PCDHGB3: variants seen among roughly 807,000 people sequenced by gnomAD.
The protein encoded by PCDHGB3 is protocadherin gamma-B3.
PCDHGB3 carries 40 observed loss-of-function variants against 59.2 expected under a neutral mutation model. The ratio of observed to expected loss-of-function variants is 0.68; its 90% confidence interval spans 0.52 to 0.88. The LOEUF is 0.88. Ranked by LOEUF, PCDHGB3 falls within the 40% of genes least tolerant of loss-of-function variation. PCDHGB3 has a pLI of 0.00. For synonymous variants in PCDHGB3, 581 were observed against 503.6 expected (o/e 1.15, Z -2.06); for missense variants, 1,309 against 1,187.9 (o/e 1.10, Z -1.50).
intron 2 of PCDHGB3, among the ~76,000 whole-genome samples, chr5:141,500,906 G>C (rs1333707004): frequency 6.7e-6 from 1 of 149,672 alleles, no homozygotes; most frequent in African/African-American, 2.5e-5. Flanking sequence ...GTCTCGCTCT[G>C]TCTCCAGGCT....
chr5:141,401,546 ATGCTATT>A (rs1372970930), intron 1 of PCDHGB3, among the ~76,000 whole-genome samples: 1 of 152,214 alleles, frequency 6.6e-6, no homozygotes, highest in African/African-American at 2.4e-5. Context: ...AAAAAAGGAA[ATGCTATT>A]GCCTGAATTT....
At chr5:141,478,821 A>G (rs72790063) in intron 1 of PCDHGB3, 38,524 of 1,444,166 alleles carry the variant, frequency 0.027, 650 homozygotes, top group East Asian at 0.045. Flanking sequence ...CAACTAACCA[A>G]TCTTGCTAAG....
chr5:141,373,352 G>A (rs1311109117), intron 1 of PCDHGB3, among the ~76,000 whole-genome samples: 5 of 152,178 alleles, frequency 3.3e-5, no homozygotes, highest in Non-Finnish European at 7.3e-5. Context: ...CTCTTGTAAT[G>A]GGCACTGTAA....
intron 1 of PCDHGB3, chr5:141,399,420 C>T (rs1257006819): frequency 1.9e-6 from 3 of 1,614,034 alleles, no homozygotes; most frequent in Non-Finnish European, 2.5e-6. Flanking sequence ...TCTCCTCCAG[C>T]ATAAGCGTCA....
rs766474451 is a variant in PCDHGB3 at position 141,477,676 on chromosome 5, AT to A, written c.2416-17130del. On this transcript the variant is annotated intron_variant, in intron 1 of 3. Coordinates refer to ENST00000576222, the MANE Select transcript of PCDHGB3 (RefSeq NM_018924.5). This position sits in a 1 kb window ranked among gnomAD's most constrained non-coding sequence, Gnocchi z 4.9. ...TAAATCGTGACAATGGCATAGTGTCATCCTTAGTGCCCCTAGACTATGAGGA... is the reference window on the plus strand; with the variant it reads ...TAAATCGTGACAATGGCATAGTGTCACCTTAGTGCCCCTAGACTATGAGGA... 6.2e-7 allele frequency: 1 copy of A among 1,614,194 alleles called. No homozygotes were observed. The highest frequency in any genetic ancestry group is 2.2e-5 in the East Asian group (1 of 44,886).
chr5:141,409,303 C>G, intron 1 of PCDHGB3: 3 of 1,613,922 alleles, frequency 1.9e-6, no homozygotes, highest in South Asian at 2.2e-5. Flanking sequence ...TGGTTGTTGC[C>G]CTCTTCAAAA....
At chr5:141,483,224 G>A (rs530779494) in intron 1 of PCDHGB3, among the ~76,000 whole-genome samples, 17 of 152,242 alleles carry the variant, frequency 1.1e-4, no homozygotes, top group Middle Eastern at 3.4e-3. Flanking sequence ...AGTCACTGCA[G>A]AAATTTGAAC....
rs2099661624 is a variant in PCDHGB3, at chr5:141,487,712, G to A, written c.2416-7095G>A. The stretch of plus-strand genomic sequence containing the variant: ...AGAGAGTACTGGCCTCTCAGTAAGT[G>A]CCCATAGTGATGTCACCATTTTTGT... On this transcript the variant is annotated intron_variant, in intron 1 of 3. Coordinates refer to ENST00000576222, the MANE Select transcript of PCDHGB3 (RefSeq NM_018924.5). The surrounding 1 kb of genome is among the most constrained non-coding windows in gnomAD (Gnocchi z 5.0). The A allele has an allele frequency of 5.0e-6, 8 of 1,585,892 alleles. No individual in the cohort carries two copies. The highest frequency in any genetic ancestry group is 1.1e-5 in the South Asian group (1 of 87,950).
At chr5:141,453,807 A>G (rs752553367) in intron 1 of PCDHGB3, among the ~76,000 whole-genome samples, 3 of 152,250 alleles carry the variant, frequency 2.0e-5, no homozygotes, top group Non-Finnish European at 4.4e-5. Flanking sequence ...GAGTAGTTCC[A>G]TAAAGGACAA....
intron 1 of PCDHGB3, chr5:141,420,475 A>G (rs1590231324): frequency 3.0e-6 from 2 of 665,126 alleles, no homozygotes; most frequent in Admixed American, 7.8e-5. Context: ...ATTTTAAAGC[A>G]AACTACATGG....
Position 141,511,103 on chromosome 5 carries a change from A to G in PCDHGB3, c.2720A>G (p.Lys907Arg), listed in dbSNP as rs779731716. The G allele has an allele frequency of 6.2e-7, 1 of 1,614,214 alleles. No individual in the cohort carries two copies. The highest frequency in any genetic ancestry group is 8.5e-7 in the Non-Finnish European group (1 of 1,180,026). The change falls in exon 4 of 4, where the codon AAG becomes AGG. Residue 907 changes from lysine to arginine, a missense_variant. By Grantham distance (26) the Lys-to-Arg change is conservative. Coordinates refer to ENST00000576222, the MANE Select transcript of PCDHGB3 (RefSeq NM_018924.5). ...SNATLTNAAGKRDGKAPAGGN... is the reference protein window; with the variant it reads ...SNATLTNAAGRRDGKAPAGGN... ...GCCACACTGACCAACGCAGCTGGCA[A>G]GCGGGATGGCAAGGCCCCAGCAGGT...
At chr5:141,488,069 C>T (rs1197698273) in intron 1 of PCDHGB3, among the ~76,000 whole-genome samples, 1 of 152,072 alleles carries the variant, frequency 6.6e-6, no homozygotes, top group Non-Finnish European at 1.5e-5. Context: ...ATCTTTGTCT[C>T]CCAGTATCTA....
chr5:141,395,055 G>T, intron 1 of PCDHGB3: 1 of 1,614,178 alleles, frequency 6.2e-7, no homozygotes, highest in African/African-American at 1.3e-5. Context: ...GGAGGTACAG[G>T]CTTTCCTGCA....
chr5:141,477,031 A>G lies in PCDHGB3; in HGVS notation c.2416-17776A>G. 2 of 1,614,248 alleles carry G rather than the reference A, an allele frequency of 1.2e-6. No homozygotes were observed. The highest frequency in any genetic ancestry group is 2.2e-5 in the East Asian group (1 of 44,880). On this transcript the variant is annotated intron_variant, in intron 1 of 3. Transcript: ENST00000576222. This position sits in a 1 kb window ranked among gnomAD's most constrained non-coding sequence, Gnocchi z 4.9. ...TAGACCTTGTAACCGGGATGCTGAC[A>G]ATCAAGGGTCGGCTGGACTTCGAGG...
At chr5:141,441,790 A>G in intron 1 of PCDHGB3, 1 of 391,228 alleles carries the variant, frequency 2.6e-6, no homozygotes, top group South Asian at 2.0e-5. Context: ...CTGAATGACA[A>G]CGCACCGCGG....
intron 1 of PCDHGB3, among the ~76,000 whole-genome samples, chr5:141,386,959 G>A (rs1339408726): frequency 6.6e-6 from 1 of 152,220 alleles, no homozygotes; most frequent in Non-Finnish European, 1.5e-5. Flanking sequence ...CAGTGCAGCA[G>A]ATCTCAGTGA....
chr5:141,417,851 G>T (rs1196210157), intron 1 of PCDHGB3: 1 of 1,543,508 alleles, frequency 6.5e-7, no homozygotes. Flanking sequence ...GCGAGAACCC[G>T]AGCGAACGAT....
chr5:141,389,645 C>A, intron 1 of PCDHGB3: 1 of 1,612,912 alleles, frequency 6.2e-7, no homozygotes, highest in Non-Finnish European at 8.5e-7. Context: ...ACTTGGTGAC[C>A]AAGGTAGTGG....
At chr5:141,426,814 T>C (rs2096962370) in intron 1 of PCDHGB3, 1 of 456,592 alleles carries the variant, frequency 2.2e-6, no homozygotes, top group Admixed American at 2.3e-5. Flanking sequence ...AATGAACATT[T>C]CTCTCTGATG....
Sources: allele counts gnomAD v4.1 joint callset (sites outside exome capture counted in the v4.1 genomes callset), GRCh38; gene constraint gnomAD v4.1.1; non-coding constraint Gnocchi (gnomAD v3.1); transcripts MANE v1.5; gene names NCBI Gene and HGNC (gene_info 2026-07-23, HGNC 2026-07-21).